XPR1: variants seen among roughly 807,000 people sequenced by gnomAD.
XPR1 encodes the protein solute carrier family 53 member 1.
A neutral mutation model predicts 87.5 loss-of-function variants in XPR1; 28 were observed. That is an observed-to-expected ratio of 0.32 (90% CI 0.24 to 0.44). XPR1 has a LOEUF of 0.44. Among genes scored for constraint, XPR1 ranks in the 20% least tolerant of loss-of-function variants. The probability of loss-of-function intolerance (pLI) is 1.00; values close to 1 mark genes in which losing one functional copy is unlikely to be tolerated. For missense variants in XPR1, 559 were observed against 862.3 expected (o/e 0.65, Z 4.41); for synonymous variants, 300 against 306.1 (o/e 0.98, Z 0.21).
At chr1:180,676,426 C>G (rs927605605) in intron 1 of XPR1, among the ~76,000 whole-genome samples, 1 of 152,188 alleles carries the variant, frequency 6.6e-6, no homozygotes, top group Non-Finnish European at 1.5e-5. Flanking sequence ...TAACTATTCT[C>G]TGGCTGGACC....
rs571992226 is a variant in XPR1 at position 180,756,379 on chromosome 1, C to T, written c.122-31374C>T. Among the ~76,000 whole-genome samples the T allele has an allele frequency of 2.6e-5, 4 of 152,264 alleles. No individual in the cohort carries two copies. The South Asian group carries it at 6.2e-4, about 24-fold the overall frequency. On this transcript the variant is annotated intron_variant, in intron 2 of 14. Transcript: ENST00000367590. ...CATTGCAGTTTTTATTTGCATTTAT[C>T]GTCTGGGTAATGCTGTTGAGCATAT...
chr1:180,825,705 G>T (rs542844276), intron 9 of XPR1, among the ~76,000 whole-genome samples: 298 of 152,242 alleles, frequency 2.0e-3, no homozygotes, highest in Middle Eastern at 3.4e-3. Flanking sequence ...GGAAAGATTT[G>T]TTCTCTAAAA....
At chr1:180,876,043 A>G (rs920264133) in intron 13 of XPR1, among the ~76,000 whole-genome samples, 5 of 152,190 alleles carry the variant, frequency 3.3e-5, no homozygotes, top group Admixed American at 2.6e-4. Context: ...AATACTTTGC[A>G]CAAAGAAAAC....
intron 9 of XPR1, among the ~76,000 whole-genome samples, chr1:180,825,634 G>A (rs745808572): frequency 2.0e-5 from 3 of 152,186 alleles, no homozygotes; most frequent in Non-Finnish European, 4.4e-5. Flanking sequence ...CCAAAAAAAT[G>A]TGGTAAAAGA....
At chr1:180,769,773 C>T (rs753884184) in intron 2 of XPR1, among the ~76,000 whole-genome samples, 10 of 152,116 alleles carry the variant, frequency 6.6e-5, no homozygotes, top group Non-Finnish European at 1.2e-4. Flanking sequence ...ATGCTAATTT[C>T]CTTTCTTTTG....
At position 180,682,307 on chromosome 1, in the gene XPR1, C is replaced by G. The variant is rs189079910; in HGVS notation, c.70-53C>G. On this transcript the variant is annotated intron_variant, in intron 1 of 14. Transcript: ENST00000367590. ...AGAACTGTTTAGCTTCAGATACATT[C>G]AGTATAAAGCTTACTCATGATTTCA... 177 of 1,396,152 alleles carry G rather than the reference C, an allele frequency of 1.3e-4. 2 individuals are homozygous for G. The African/African-American group carries it at 2.1e-3, about 16-fold the overall frequency. The allele number at this position is 1,396,152 out of a possible 1,614,324, so 86.5% of individuals were successfully genotyped here.
intron 7 of XPR1, among the ~76,000 whole-genome samples, chr1:180,820,565 G>A (rs537008723): frequency 3.9e-5 from 6 of 152,218 alleles, no homozygotes; most frequent in Non-Finnish European, 8.8e-5. Context: ...TGGCTATTGT[G>A]AATGGTACTG....
At chr1:180,648,142 T>A (rs1385740305) in intron 1 of XPR1, among the ~76,000 whole-genome samples, 1 of 152,212 alleles carries the variant, frequency 6.6e-6, no homozygotes, top group Admixed American at 6.5e-5. Context: ...TCCAAAACTT[T>A]CACTAAGTCA....
In XPR1 at chr1:180,711,477, C is replaced by T. The variant is rs1039249138; in HGVS notation, c.121+29066C>T. Among the ~76,000 whole-genome samples the T allele has an allele frequency of 4.0e-5, 6 of 151,320 alleles. No homozygotes were observed. In the South Asian group the frequency reaches 6.3e-4, roughly 16 times the overall value. ...AAAAATACGAAAACCAGTCAGGCAT[C>T]GCGGCGCGCGCCTGCAATTGCAGGC... On this transcript the variant is annotated intron_variant, in intron 2 of 14. Coordinates refer to ENST00000367590, the MANE Select transcript of XPR1 (RefSeq NM_004736.4).
chr1:180,757,563 C>T (rs1215525603), intron 2 of XPR1, among the ~76,000 whole-genome samples: 1 of 145,404 alleles, frequency 6.9e-6, no homozygotes, highest in East Asian at 2.0e-4. Context: ...TGCTGGAGTG[C>T]AGTGGCCCAA....
intron 2 of XPR1, among the ~76,000 whole-genome samples, chr1:180,754,126 C>G (rs1647634457): frequency 6.6e-6 from 1 of 152,146 alleles, no homozygotes; most frequent in Admixed American, 6.5e-5. Flanking sequence ...TGCCATATGA[C>G]TATTTGAAAG....
chr1:180,862,125 TCTCATAAG>T (rs747630755), intron 11 of XPR1, among the ~76,000 whole-genome samples: 1 of 152,078 alleles, frequency 6.6e-6, no homozygotes, highest in Non-Finnish European at 1.5e-5. Flanking sequence ...ACAATTGGCC[TCTCATAAG>T]CTGATGAGAA....
chr1:180,813,862 G>A (rs1393033732), intron 7 of XPR1, among the ~76,000 whole-genome samples: 1 of 152,038 alleles, frequency 6.6e-6, no homozygotes, highest in East Asian at 1.9e-4. Flanking sequence ...ACTTTTAATG[G>A]CAAAACTGCA....
chr1:180,879,963 T>G, intron 13 of XPR1, 113 bp from the exon 14 acceptor site: 1 of 1,143,580 alleles, frequency 8.7e-7, no homozygotes, highest in Non-Finnish European at 1.3e-6. Flanking sequence ...ATTCAAGCCC[T>G]TAATTCTTTG....
chr1:180,797,460 T>C (rs891436355), intron 3 of XPR1, among the ~76,000 whole-genome samples: 2 of 152,212 alleles, frequency 1.3e-5, no homozygotes, highest in African/African-American at 4.8e-5. Context: ...GTGTCTTGAC[T>C]TATTGTTGGC....
chr1:180,806,377 G>C, intron 5 of XPR1, 97 bp from the exon 6 acceptor site: 10 of 1,476,082 alleles, frequency 6.8e-6, no homozygotes, highest in Non-Finnish European at 9.2e-6. Context: ...TCACCAAAAA[G>C]TTGTCAGAAT....
intron 13 of XPR1, among the ~76,000 whole-genome samples, chr1:180,878,731 G>A (rs996915214): frequency 2.0e-5 from 3 of 152,118 alleles, no homozygotes; most frequent in Non-Finnish European, 2.9e-5. Flanking sequence ...TCAGTTCTCT[G>A]TACTTATTTA....
chr1:180,687,343 T>C (rs1656819042), intron 2 of XPR1, among the ~76,000 whole-genome samples: 2 of 152,196 alleles, frequency 1.3e-5, no homozygotes, highest in African/African-American at 4.8e-5. Flanking sequence ...GACAAATATT[T>C]ATAGTTAAGA....
At chr1:180,635,270 T>A (rs1175405592) in intron 1 of XPR1, among the ~76,000 whole-genome samples, 1 of 152,164 alleles carries the variant, frequency 6.6e-6, no homozygotes, top group African/African-American at 2.4e-5. Flanking sequence ...TTTCCAGTAA[T>A]CTGTTTGAGT....
Sources: allele counts gnomAD v4.1 joint callset (sites outside exome capture counted in the v4.1 genomes callset), GRCh38; gene constraint gnomAD v4.1.1; transcripts MANE v1.5; gene names NCBI Gene and HGNC (gene_info 2026-07-23, HGNC 2026-07-21).